PCDH9: variants seen among roughly 807,000 people sequenced by gnomAD.
PCDH9 encodes protocadherin-9.
A neutral mutation model predicts 70.6 loss-of-function variants in PCDH9; 24 were observed. The observed-to-expected ratio is 0.34, with a 90% confidence interval of 0.25 to 0.48. The LOEUF (loss-of-function observed/expected upper bound fraction) is 0.48. Among genes scored for constraint, PCDH9 ranks in the 20% least tolerant of loss-of-function variants. PCDH9 has a pLI of 0.99. For synonymous variants in PCDH9, 562 were observed against 558.5 expected, an observed-to-expected ratio of 1.01 and a Z score of -0.09; for missense variants, 1,281 against 1,503.6, an observed-to-expected ratio of 0.85 and a Z score of 2.45.
At chr13:66,417,704 T>A (rs1290241123) in intron 4 of PCDH9, among the ~76,000 whole-genome samples, 2 of 152,220 alleles carry the variant, frequency 1.3e-5, no homozygotes, top group Non-Finnish European at 2.9e-5. Flanking sequence ...GCCATCTAAC[T>A]GGCTTGAGAT....
intron 2 of PCDH9, among the ~76,000 whole-genome samples, chr13:67,079,185 A>G (rs1210825689): frequency 6.6e-6 from 1 of 152,028 alleles, no homozygotes; most frequent in East Asian, 1.9e-4. Flanking sequence ...CTAAAGAATA[A>G]CGAGACATGG....
intron 2 of PCDH9, among the ~76,000 whole-genome samples, chr13:67,080,241 T>C (rs1446051073): frequency 6.6e-6 from 1 of 152,250 alleles, no homozygotes; most frequent in East Asian, 1.9e-4. Context: ...AGATAAACAG[T>C]ATTTTAGTAA....
At chr13:66,505,485 T>A (rs1356376904) in intron 4 of PCDH9, among the ~76,000 whole-genome samples, 1 of 150,834 alleles carries the variant, frequency 6.6e-6, no homozygotes, top group Non-Finnish European at 1.5e-5. Flanking sequence ...CACGTGGGGA[T>A]TATTACAATG....
intron 3 of PCDH9, among the ~76,000 whole-genome samples, chr13:66,846,127 A>G (rs2081203803): frequency 1.3e-5 from 1 of 79,930 alleles, no homozygotes; most frequent in African/African-American, 3.6e-5. Context: ...TGCAGGGGGA[A>G]AAAAAGACCA....
At chr13:66,749,996 G>A (rs931108106) in intron 3 of PCDH9, among the ~76,000 whole-genome samples, 1 of 152,038 alleles carries the variant, frequency 6.6e-6, no homozygotes, top group Admixed American at 6.6e-5. Flanking sequence ...AAGTAAAAAT[G>A]CTCTAAAAGA....
At chr13:66,622,366 C>T (rs2077434883) in intron 4 of PCDH9, among the ~76,000 whole-genome samples, 1 of 152,200 alleles carries the variant, frequency 6.6e-6, no homozygotes, top group African/African-American at 2.4e-5. Context: ...GCAGCTCCAC[C>T]TGCAGCCCCG....
intron 4 of PCDH9, among the ~76,000 whole-genome samples, chr13:66,328,549 C>T (rs1955885477): frequency 6.6e-6 from 1 of 152,198 alleles, no homozygotes; most frequent in Admixed American, 6.5e-5. Flanking sequence ...TCCTCCCAGA[C>T]TGCTCTCATT....
intron 2 of PCDH9, among the ~76,000 whole-genome samples, chr13:66,998,775 G>A (rs1280547117): frequency 6.6e-6 from 1 of 152,098 alleles, no homozygotes; most frequent in African/African-American, 2.4e-5. Context: ...CTTCCACTCA[G>A]ACTGTTGTAA....
intron 2 of PCDH9, among the ~76,000 whole-genome samples, chr13:66,996,609 T>A (rs181227373): frequency 1.8e-3 from 278 of 152,318 alleles, no homozygotes; most frequent in Non-Finnish European, 3.2e-3. Flanking sequence ...AGCATCAACA[T>A]TATAAATTAA....
chr13:67,080,196 A>G (rs1211981055), intron 2 of PCDH9, among the ~76,000 whole-genome samples: 4 of 152,160 alleles, frequency 2.6e-5, no homozygotes, highest in African/African-American at 9.7e-5. Flanking sequence ...CAGAATTTGG[A>G]TTTTTCTATT....
In PCDH9 at chr13:66,437,263, C is replaced by A. The variant is rs143133398; in HGVS notation, c.3341-132235G>T. On this transcript the variant is annotated intron_variant, in intron 4 of 4. Coordinates refer to ENST00000377865, the MANE Select transcript of PCDH9 (RefSeq NM_203487.3). ...TCTACTAAAAATACAAAACATTAGCCGGGCGTGGTGGCGGGCGCCTGTAGT... is the reference window on the plus strand; with the variant it reads ...TCTACTAAAAATACAAAACATTAGCAGGGCGTGGTGGCGGGCGCCTGTAGT... 4.9e-3 allele frequency among the ~76,000 whole-genome samples: 738 copies of A among 151,312 alleles called. 5 individuals carry two copies. Among genetic ancestry groups the A allele is most frequent in the African/African-American group, 0.017 (683 of 41,240 alleles).
intron 2 of PCDH9, among the ~76,000 whole-genome samples, chr13:67,053,779 C>T (rs2138104430): frequency 6.6e-6 from 1 of 152,250 alleles, no homozygotes; most frequent in African/African-American, 2.4e-5. Flanking sequence ...CAGTATTTAT[C>T]CAGGCCCATG....
intron 3 of PCDH9, among the ~76,000 whole-genome samples, chr13:66,839,491 G>A (rs891367442): frequency 1.3e-5 from 2 of 152,102 alleles, no homozygotes; most frequent in Non-Finnish European, 2.9e-5. Flanking sequence ...CGCCAGCTAC[G>A]CCTCTGAAAC....
At chr13:66,559,184 AC>A (rs1252696741) in intron 4 of PCDH9, among the ~76,000 whole-genome samples, 1 of 152,314 alleles carries the variant, frequency 6.6e-6, no homozygotes, top group East Asian at 1.9e-4. Context: ...CTAGTGACTA[AC>A]TTATATCCCA....
Position 67,226,469 on chromosome 13 carries a change from T to C in PCDH9, c.1972A>G (p.Thr658Ala). ...ATGACGTTGATAGTTACTTTTGCAG[T>C]AGAGGAACGAGGTGGTTGTCCTCCA... ...TDGGQPPRSSTAKVTINVMDV... is the reference protein window; with the variant it reads ...TDGGQPPRSSAAKVTINVMDV... The change falls in exon 2 of 5, where the codon ACT becomes GCT. Residue 658 changes from threonine to alanine, a missense_variant. By Grantham distance (58) the Thr-to-Ala change is moderately conservative. This residue lies in a region of PCDH9 where 798 missense variants were observed against 1,003.1 expected (regional missense o/e 0.80). Transcript: ENST00000377865. The surrounding 1 kb of genome is among the most constrained non-coding windows in gnomAD (Gnocchi z 5.0). 1 of 1,614,018 alleles carries C rather than the reference T, an allele frequency of 6.2e-7. No homozygotes were observed. Among genetic ancestry groups the C allele is most frequent in the East Asian group, 2.2e-5 (1 of 44,856 alleles).
chr13:66,964,678 CTT>C (rs756889824), intron 2 of PCDH9, among the ~76,000 whole-genome samples: 14 of 151,308 alleles, frequency 9.3e-5, no homozygotes, highest in Admixed American at 6.6e-5. Context: ...TTTTTAATCT[CTT>C]GAGTCCTTTC....
At chr13:66,652,966 C>G (rs780649626) in intron 3 of PCDH9, among the ~76,000 whole-genome samples, 4 of 152,134 alleles carry the variant, frequency 2.6e-5, no homozygotes, top group African/African-American at 4.8e-5. Context: ...AACTAGATTT[C>G]TATCTCTTGC....
chr13:66,805,025 A>C (rs1397212081), intron 3 of PCDH9, among the ~76,000 whole-genome samples: 2 of 152,256 alleles, frequency 1.3e-5, no homozygotes, highest in African/African-American at 4.8e-5. Context: ...GTAGTTTGGT[A>C]GGAAGATAAG....
At chr13:67,218,950 T>A (rs1164624053) in intron 2 of PCDH9, 1 of 152,030 alleles carries the variant, frequency 6.6e-6, no homozygotes, top group Non-Finnish European at 1.5e-5. Context: ...AGGGAAAATA[T>A]TTTCATATGC....
Sources: gnomAD v4.1 joint callset for allele counts (sites outside exome capture counted in the v4.1 genomes callset) on GRCh38, gnomAD v4.1.1 for gene constraint, gnomAD v4.1.1 regional missense constraint, Gnocchi (gnomAD v3.1) non-coding constraint, MANE v1.5 for transcripts, NCBI Gene and HGNC (gene_info 2026-07-23, HGNC 2026-07-21) for gene names.